The following TAF3 variants were observed in gnomAD, a reference collection of about 807,000 sequenced individuals.
TAF3 encodes the protein transcription initiation factor TFIID subunit 3.
Under a neutral mutation model 80.6 loss-of-function variants are expected in TAF3, and 7 were observed. The observed-to-expected ratio is 0.09, with a 90% CI of 0.05 to 0.16. The LOEUF (loss-of-function observed/expected upper bound fraction) is 0.16, where lower values mean the gene tolerates loss of function less well. TAF3 is among the 10% of genes least tolerant of loss of function. TAF3 has a pLI of 1.00. For missense variants in TAF3, 921 were observed against 1,140.2 expected (o/e 0.81, Z 2.77); for synonymous variants, 444 against 446.1 (o/e 1.00, Z 0.06).
intron 5 of TAF3, among the ~76,000 whole-genome samples, chr10:8,011,233 A>G (rs1832052907): frequency 6.6e-6 from 1 of 152,086 alleles, no homozygotes; most frequent in Admixed American, 6.6e-5. Context: ...TAAACTGTAC[A>G]ATATTACATT....
chr10:7,936,178 G>A (rs890516287), intron 2 of TAF3, among the ~76,000 whole-genome samples: 3 of 152,240 alleles, frequency 2.0e-5, no homozygotes, highest in Non-Finnish European at 4.4e-5. Context: ...CATTAGCTGT[G>A]TGCGCGTTGC....
intron 2 of TAF3, among the ~76,000 whole-genome samples, chr10:7,890,557 ATCTT>A (rs1412326231): frequency 1.3e-5 from 2 of 152,226 alleles, no homozygotes; most frequent in Admixed American, 1.3e-4. Flanking sequence ...GCATTCATCT[ATCTT>A]TTCAGTACAG....
chr10:7,946,009 T>C (rs1472571712), intron 2 of TAF3, among the ~76,000 whole-genome samples: 3 of 152,346 alleles, frequency 2.0e-5, no homozygotes, highest in African/African-American at 7.2e-5. Flanking sequence ...TGCCTTGACC[T>C]TGTTATGCAC....
chr10:7,860,925 A>T (rs1400847724), intron 2 of TAF3, among the ~76,000 whole-genome samples: 3 of 149,702 alleles, frequency 2.0e-5, no homozygotes, highest in Non-Finnish European at 4.4e-5. Context: ...CAGCCTTCTG[A>T]GTAGCTGGGA....
At chr10:7,859,126 T>C (rs1006826824) in intron 2 of TAF3, among the ~76,000 whole-genome samples, 1 of 152,008 alleles carries the variant, frequency 6.6e-6, no homozygotes, top group African/African-American at 2.4e-5. Flanking sequence ...GCTGGGCGTG[T>C]GGTGGGCACC....
chr10:7,956,348 A>G (rs775415341), intron 2 of TAF3, among the ~76,000 whole-genome samples: 9 of 152,056 alleles, frequency 5.9e-5, no homozygotes, highest in Non-Finnish European at 1.2e-4. Flanking sequence ...TTAGCCAGAC[A>G]TAGTGGCACG....
chr10:7,884,392 CTT>C (rs61498355), intron 2 of TAF3, among the ~76,000 whole-genome samples: 1 of 120,482 alleles, frequency 8.3e-6, no homozygotes. Context: ...GCTCTGCCTC[CTT>C]TTTTTTTTTG....
intron 2 of TAF3, among the ~76,000 whole-genome samples, chr10:7,827,728 C>T (rs189488820): frequency 3.3e-5 from 5 of 149,522 alleles, no homozygotes; most frequent in Non-Finnish European, 5.9e-5. Context: ...TGCAGTGAGC[C>T]GAGATTGTGC....
chr10:7,855,854 G>A (rs139121106), intron 2 of TAF3, among the ~76,000 whole-genome samples: 2 of 151,984 alleles, frequency 1.3e-5, no homozygotes, highest in East Asian at 1.9e-4. Flanking sequence ...GGTAAGAGGC[G>A]GGAGGATAGC....
At chr10:7,995,113 T>G (rs1344411031) in intron 4 of TAF3, among the ~76,000 whole-genome samples, 1 of 152,174 alleles carries the variant, frequency 6.6e-6, no homozygotes, top group Admixed American at 6.5e-5. Context: ...ACCAAGATTA[T>G]TAAATGAAGT....
chr10:7,931,863 T>A (rs530192680), intron 2 of TAF3, among the ~76,000 whole-genome samples: 2 of 152,334 alleles, frequency 1.3e-5, no homozygotes, highest in Non-Finnish European at 2.9e-5. Flanking sequence ...TTTGTTGTCT[T>A]TGGCCTCATG....
At chr10:7,953,572 G>A (rs1280625140) in intron 2 of TAF3, among the ~76,000 whole-genome samples, 1 of 152,142 alleles carries the variant, frequency 6.6e-6, no homozygotes, top group African/African-American at 2.4e-5. Context: ...ATTTCAGTTA[G>A]GTTCCCTGCC....
At chr10:7,939,619 C>CACCT (rs1311179913) in intron 2 of TAF3, among the ~76,000 whole-genome samples, 2 of 142,508 alleles carry the variant, frequency 1.4e-5, no homozygotes, top group Non-Finnish European at 3.1e-5. Context: ...CACACACACA[C>CACCT]ACCTCTACCT....
intron 2 of TAF3, among the ~76,000 whole-genome samples, chr10:7,871,798 T>A (rs755674665): frequency 2.6e-4 from 40 of 152,170 alleles, no homozygotes; most frequent in Non-Finnish European, 2.1e-4. Context: ...GAAGTAAAAA[T>A]TCATACATTT....
At chr10:7,908,159 CAT>C (rs1178562780) in intron 2 of TAF3, among the ~76,000 whole-genome samples, 1 of 152,166 alleles carries the variant, frequency 6.6e-6, no homozygotes, top group East Asian at 1.9e-4. Context: ...TGTACATAGA[CAT>C]GTACGTTTGT....
rs1448441415 is a variant in TAF3 at position 7,818,600 on chromosome 10, C to A, written c.-110C>A. ...GTGGTCGCCGGGGGTCCGGGGGACC[C>A]TTTCCCCGCCGCGGAAGCCCTAGAG... On this transcript the variant is annotated 5_prime_UTR_variant, in exon 1 of 7. Transcript: ENST00000344293. 3 of 1,291,170 alleles carry A rather than the reference C, an allele frequency of 2.3e-6. No homozygotes were observed. The highest frequency in any genetic ancestry group is 3.1e-6 in the Non-Finnish European group (3 of 981,756). The allele number at this position is 1,291,170 out of a possible 1,614,324, so 80.0% of individuals were successfully genotyped here. A position where few individuals can be genotyped will look rare whatever the true frequency, so the allele number is the denominator to read the frequency against.
rs79422129 is a variant in TAF3 at position 7,916,413 on chromosome 10, G to A, written c.410-47507G>A. On this transcript the variant is annotated intron_variant, in intron 2 of 6. Transcript: ENST00000344293. Reference sequence around the variant, plus strand: ...TAGATTTTAGTTAGCTATGAAGTTGGATAAATATGTCTGTTAATTTTAAGA... The same window carrying A: ...TAGATTTTAGTTAGCTATGAAGTTGAATAAATATGTCTGTTAATTTTAAGA... Among the ~76,000 whole-genome samples the A allele has an allele frequency of 4.2e-3, 646 of 152,296 alleles. 4 individuals carry two copies. Among genetic ancestry groups the A allele is most frequent in the African/African-American group, 0.015 (619 of 41,580 alleles).
intron 2 of TAF3, among the ~76,000 whole-genome samples, chr10:7,915,703 C>T (rs933443743): frequency 1.3e-5 from 2 of 148,638 alleles, no homozygotes; most frequent in Admixed American, 6.7e-5. Context: ...GTAGGCTGGG[C>T]GCAGTGGCTC....
intron 2 of TAF3, among the ~76,000 whole-genome samples, chr10:7,893,080 A>G (rs1048832289): frequency 1.7e-4 from 26 of 152,142 alleles, no homozygotes; most frequent in African/African-American, 6.3e-4. Context: ...TTGGCTTCCC[A>G]AAGTGCTGGG....
Sources: allele counts gnomAD v4.1 joint callset (sites outside exome capture counted in the v4.1 genomes callset), GRCh38; gene constraint gnomAD v4.1.1; transcripts MANE v1.5; gene names NCBI Gene and HGNC (gene_info 2026-07-23, HGNC 2026-07-21).